ITGA1: variants seen among roughly 807,000 people sequenced by gnomAD.
The protein encoded by ITGA1 is integrin alpha-1.
A neutral mutation model predicts 145.9 loss-of-function variants in ITGA1; 85 were observed. The ratio of observed to expected loss-of-function variants is 0.58; its 90% CI spans 0.49 to 0.70. The LOEUF is 0.70. Ranked by LOEUF, ITGA1 falls within the 30% of genes least tolerant of loss-of-function variation. The pLI is 0.00. For missense variants in ITGA1, 1,351 were observed against 1,418.7 expected, an observed-to-expected ratio of 0.95 and a Z score of 0.77; for synonymous variants, 520 against 495.3, an observed-to-expected ratio of 1.05 and a Z score of -0.66.
intron 1 of ITGA1, among the ~76,000 whole-genome samples, chr5:52,826,079 G>T (rs1376492286): frequency 6.6e-6 from 1 of 152,218 alleles, no homozygotes; most frequent in Non-Finnish European, 1.5e-5. Flanking sequence ...ATAGGCCAAA[G>T]CTAGGCCTCT....
chr5:52,938,023 C>G (rs915616656), intron 24 of ITGA1, among the ~76,000 whole-genome samples: 1 of 152,084 alleles, frequency 6.6e-6, no homozygotes. Flanking sequence ...TCTGGAGATC[C>G]TTAATATAAT....
intron 18 of ITGA1, among the ~76,000 whole-genome samples, chr5:52,923,333 T>C (rs1363512977): frequency 6.6e-6 from 1 of 152,214 alleles, no homozygotes; most frequent in African/African-American, 2.4e-5. Context: ...TCTCAATGGC[T>C]TTATCTTCCT....
intron 26 of ITGA1, among the ~76,000 whole-genome samples, chr5:52,943,859 A>T (rs1424702295): frequency 6.6e-6 from 1 of 152,012 alleles, no homozygotes; most frequent in Non-Finnish European, 1.5e-5. Flanking sequence ...TCTCCAGGAC[A>T]CCCCGCAGCT....
chr5:52,889,182 C>A (rs1216906507), intron 8 of ITGA1, among the ~76,000 whole-genome samples: 1 of 148,620 alleles, frequency 6.7e-6, no homozygotes, highest in African/African-American at 2.6e-5. Context: ...CTCACTGCAA[C>A]CTCCAACCTC....
intron 24 of ITGA1, among the ~76,000 whole-genome samples, chr5:52,939,075 G>C (rs189379726): frequency 2.0e-5 from 3 of 152,046 alleles, no homozygotes; most frequent in Admixed American, 6.6e-5. Context: ...ACTAATTTTT[G>C]TATTTCTAGT....
intron 20 of ITGA1, among the ~76,000 whole-genome samples, chr5:52,928,528 G>A (rs1461591356): frequency 6.6e-6 from 1 of 152,172 alleles, no homozygotes; most frequent in Non-Finnish European, 1.5e-5. Flanking sequence ...TACGACAATT[G>A]ATTTTAGAAC....
rs767749396 is a variant in ITGA1 at position 52,947,312 on chromosome 5, A to G, written c.3379-33A>G. ...GTTCCAGGAGTTCTAATAGGTGTTT[A>G]TTATGTTAACAATCTTGTTTAATAA... is the stretch of plus-strand genomic sequence containing the variant. On this transcript the variant is annotated intron_variant, in intron 27 of 28. Coordinates refer to ENST00000282588, the MANE Select transcript of ITGA1 (RefSeq NM_181501.2). 42 of 1,319,340 alleles carry G rather than the reference A, an allele frequency of 3.2e-5. No homozygotes were observed. In the South Asian group the frequency reaches 4.6e-4, roughly 14 times the overall value. The allele number at this position is 1,319,340 out of a possible 1,614,324, so 81.7% of individuals were successfully genotyped here. A position where few individuals can be genotyped will look rare whatever the true frequency, so the allele number is the denominator to read the frequency against.
In ITGA1 at chr5:52,954,185, C is replaced by A. The variant is rs539628576; in HGVS notation, c.*1734C>A. On this transcript the variant is annotated 3_prime_UTR_variant, in exon 29 of 29. Coordinates refer to ENST00000282588, the MANE Select transcript of ITGA1 (RefSeq NM_181501.2). Reference sequence around the variant, plus strand: ...GGAATTTCCTTCATTTTCGCTATTTCCAGGTTCAGAAATCATACCTACCAC... The same window carrying A: ...GGAATTTCCTTCATTTTCGCTATTTACAGGTTCAGAAATCATACCTACCAC... 2 of 152,264 alleles carry A rather than the reference C, an allele frequency of 1.3e-5. No homozygotes were observed. Among genetic ancestry groups the A allele is most frequent in the African/African-American group, 4.8e-5 (2 of 41,546 alleles). The allele number at this position is 152,264 out of a possible 1,614,324, so 9.4% of individuals were successfully genotyped here. A position where few individuals can be genotyped will look rare whatever the true frequency, so the allele number is the denominator to read the frequency against.
chr5:52,937,188 T>A (rs1248099824), intron 23 of ITGA1, among the ~76,000 whole-genome samples: 1 of 152,176 alleles, frequency 6.6e-6, no homozygotes, highest in Non-Finnish European at 1.5e-5. Context: ...TGATTATAGC[T>A]GATACATACG....
Position 52,856,021 on chromosome 5 carries a change from G to A in ITGA1, c.183-5426G>A, listed in dbSNP as rs1303923784. 5.9e-5 allele frequency among the ~76,000 whole-genome samples: 9 copies of A among 152,102 alleles called. No individual in the cohort carries two copies. In the East Asian group the frequency reaches 9.6e-4, roughly 16 times the overall value. On this transcript the variant is annotated intron_variant, in intron 2 of 28. Coordinates refer to ENST00000282588, the MANE Select transcript of ITGA1 (RefSeq NM_181501.2). ...CTTATCTCAGAATATGCAATAGGCC[G>A]TGGTTGAGATTGCTGTATCAGGTCA...
intron 28 of ITGA1, among the ~76,000 whole-genome samples, chr5:52,948,521 C>A (rs1751167628): frequency 6.6e-6 from 1 of 152,160 alleles, no homozygotes; most frequent in African/African-American, 2.4e-5. Context: ...GTGAACAAAG[C>A]CAGATGTAGG....
chr5:52,940,383 A>G (rs1041978551), intron 26 of ITGA1, among the ~76,000 whole-genome samples: 3 of 151,466 alleles, frequency 2.0e-5, no homozygotes, highest in East Asian at 1.9e-4. Flanking sequence ...ATAATTTTAT[A>G]ATATATAGGT....
chr5:52,940,398 A>T (rs1280677746), intron 26 of ITGA1, among the ~76,000 whole-genome samples: 1 of 145,506 alleles, frequency 6.9e-6, no homozygotes, highest in Non-Finnish European at 1.5e-5. Flanking sequence ...ATAGGTATAT[A>T]TGAAGCCTTT....
chr5:52,911,252 CAGTGTATATATAGTATATGT>C (rs1750519330), intron 14 of ITGA1, among the ~76,000 whole-genome samples: 1 of 125,160 alleles, frequency 8.0e-6, no homozygotes, highest in Admixed American at 8.4e-5. Flanking sequence ...ATAGTATATA[CAGTGTATATATAGTATATGT>C]AGTGTATATA....
intron 1 of ITGA1, chr5:52,824,658 G>C (rs987339602): frequency 1.3e-5 from 2 of 152,146 alleles, no homozygotes; most frequent in Non-Finnish European, 2.9e-5. Context: ...CCCCATGCTA[G>C]AGGCAGCAAG....
At chr5:52,947,489 T>C (rs779861255) in intron 28 of ITGA1, 28 bp downstream of exon 28, 3 of 1,287,200 alleles carry the variant, frequency 2.3e-6, no homozygotes, top group South Asian at 2.4e-5. Context: ...TTTGACTCTC[T>C]ACTTCAATCA....
intron 6 of ITGA1, among the ~76,000 whole-genome samples, chr5:52,880,371 A>G (rs1384256992): frequency 6.6e-6 from 1 of 152,220 alleles, no homozygotes; most frequent in African/African-American, 2.4e-5. Context: ...TAAGGACATA[A>G]TTGCTCCAAC....
In ITGA1 at chr5:52,947,372, C is replaced by G. The variant is rs770961666; in HGVS notation, c.3406C>G (p.Leu1136Val). Residue 1136 changes from leucine to valine, a missense_variant, in exon 28 of 29, where the codon CTA becomes GTA. Leu to Val is a conservative substitution (Grantham distance 32, BLOSUM62 1). Coordinates refer to ENST00000282588, the MANE Select transcript of ITGA1 (RefSeq NM_181501.2). ...TGCTATTCAAATATCCAAAGATGGGCTACCGGGCAGAGTGCCATTATGGGT... is the reference window on the plus strand; with the variant it reads ...TGCTATTCAAATATCCAAAGATGGGGTACCGGGCAGAGTGCCATTATGGGT... ...ELAIQISKDGLPGRVPLWVIL... is the reference protein window; with the variant it reads ...ELAIQISKDGVPGRVPLWVIL... The G allele has an allele frequency of 6.2e-7, 1 of 1,612,546 alleles. No individual in the cohort carries two copies. The highest frequency in any genetic ancestry group is 2.2e-5 in the East Asian group (1 of 44,842).
chr5:52,845,527 T>C (rs928536508), intron 1 of ITGA1, among the ~76,000 whole-genome samples: 1 of 152,140 alleles, frequency 6.6e-6, no homozygotes, highest in African/African-American at 2.4e-5. Context: ...TGAGCCGTGG[T>C]TGGTTTTCGG....
Sources: allele counts gnomAD v4.1 joint callset (sites outside exome capture counted in the v4.1 genomes callset), GRCh38; gene constraint gnomAD v4.1.1; transcripts MANE v1.5; gene names NCBI Gene and HGNC (gene_info 2026-07-23, HGNC 2026-07-21).